SNTA1: variants seen among roughly 807,000 people sequenced by gnomAD.
SNTA1 encodes the protein alpha-1-syntrophin.
SNTA1 carries 31 observed loss-of-function variants against 47.1 expected under a neutral mutation model. The observed-to-expected ratio is 0.66, with a 90% CI of 0.49 to 0.89. SNTA1 has a LOEUF of 0.89. Ranked by LOEUF, SNTA1 falls within the 40% of genes least tolerant of loss-of-function variation. SNTA1 has a pLI of 0.00. For synonymous variants in SNTA1, 300 were observed against 313.6 expected, an observed-to-expected ratio of 0.96 and a Z score of 0.46; for missense variants, 575 against 693.0, an observed-to-expected ratio of 0.83 and a Z score of 1.91.
intron 2 of SNTA1, among the ~76,000 whole-genome samples, chr20:33,418,768 G>A (rs1319329940): frequency 8.0e-6 from 1 of 125,128 alleles, no homozygotes; most frequent in Non-Finnish European, 1.6e-5. Flanking sequence ...ACTCCAGCCT[G>A]GGTGACATAA....
chr20:33,419,780 T>C (rs1311494257), intron 2 of SNTA1, among the ~76,000 whole-genome samples: 1 of 152,114 alleles, frequency 6.6e-6, no homozygotes, highest in African/African-American at 2.4e-5. Context: ...TCCTTTTTGC[T>C]TGTGATTGGT....
chr20:33,411,928 C>T (rs1241815792), intron 5 of SNTA1, among the ~76,000 whole-genome samples: 1 of 152,194 alleles, frequency 6.6e-6, no homozygotes, highest in Admixed American at 6.5e-5. Context: ...TCCTCTACTA[C>T]CCCAACAGAG....
intron 6 of SNTA1, among the ~76,000 whole-genome samples, chr20:33,409,641 ATT>A (rs553264334): frequency 7.1e-6 from 1 of 141,472 alleles, no homozygotes; most frequent in Non-Finnish European, 1.5e-5. Flanking sequence ...TTGTATTATT[ATT>A]TTTTTTTTTT....
At chr20:33,436,695 G>A (rs1048778826) in intron 2 of SNTA1, among the ~76,000 whole-genome samples, 7 of 152,012 alleles carry the variant, frequency 4.6e-5, no homozygotes, top group African/African-American at 1.7e-4. Context: ...AGGTGTGGTG[G>A]CTCACGCCTG....
intron 2 of SNTA1, among the ~76,000 whole-genome samples, chr20:33,436,565 G>C (rs1438140139): frequency 6.6e-6 from 1 of 151,990 alleles, no homozygotes; most frequent in Non-Finnish European, 1.5e-5. Flanking sequence ...ATCTAGACTG[G>C]GCACTGTGGC....
Position 33,410,142 on chromosome 20 carries a change from C to T in SNTA1, c.1230G>A (p.Val410=), listed in dbSNP as rs142580715. The stretch of plus-strand genomic sequence containing the variant: ...CAGATCCTCCCAGCACACCTGTAGA[C>T]ACCTCCTGCACACCCTCGGCGGCCC... ...CHRAAEGVQE[V]STACTWNGRP... is the part of the protein sequence containing the mutation. The change falls in exon 6 of 8, where the codon GTG becomes GTA. Residue 410 remains valine (V), a synonymous_variant. Coordinates refer to ENST00000217381, the MANE Select transcript of SNTA1 (RefSeq NM_003098.3). 2.0e-5 allele frequency: 33 copies of T among 1,614,120 alleles called. No individual in the cohort carries two copies. Among genetic ancestry groups the T allele is most frequent in the Non-Finnish European group, 2.7e-5 (32 of 1,180,046 alleles).
At chr20:33,430,804 C>T (rs564680021) in intron 2 of SNTA1, among the ~76,000 whole-genome samples, 2 of 151,604 alleles carry the variant, frequency 1.3e-5, no homozygotes, top group Admixed American at 6.6e-5. Flanking sequence ...CAAAAATTAG[C>T]CAGGTGTGGT....
chr20:33,433,503 T>A (rs1600859189), intron 2 of SNTA1, among the ~76,000 whole-genome samples: 1 of 150,566 alleles, frequency 6.6e-6, no homozygotes, highest in Non-Finnish European at 1.5e-5. Flanking sequence ...CTGACCTCAG[T>A]TGATCTGCCT....
At position 33,413,349 on chromosome 20, in the gene SNTA1, G is replaced by A. The variant is rs183890936; in HGVS notation, c.702-567C>T. 7.4e-3 allele frequency among the ~76,000 whole-genome samples: 1,126 copies of A among 151,578 alleles called. 9 individuals are homozygous for A. Among genetic ancestry groups the A allele is most frequent in the African/African-American group, 0.026 (1,063 of 41,308 alleles). The stretch of plus-strand genomic sequence containing the variant: ...TCACCAAGTTGGCCAGGCTGGTCTC[G>A]AACTCCTGACCTCAAATGATCACCC... On this transcript the variant is annotated intron_variant, in intron 3 of 7. Transcript: ENST00000217381.
chr20:33,440,877 A>G (rs901668918), intron 1 of SNTA1, among the ~76,000 whole-genome samples: 1 of 152,224 alleles, frequency 6.6e-6, no homozygotes, highest in Non-Finnish European at 1.5e-5. Flanking sequence ...ACCGGAATCA[A>G]GAGACAAGTC....
Position 33,429,586 on chromosome 20 carries a change from T to C in SNTA1, c.496+9255A>G, listed in dbSNP as rs6059319. Among the ~76,000 whole-genome samples, 612 of 151,318 alleles carry C rather than the reference T, an allele frequency of 4.0e-3. 7 individuals are homozygous for C. Among genetic ancestry groups the C allele is most frequent in the African/African-American group, 0.014 (574 of 41,180 alleles). On this transcript the variant is annotated intron_variant, in intron 2 of 7. Transcript: ENST00000217381. ...CAGAGGTTGCAGTGAGCCGAGATCATGCCATTGCACTCCAGCCTGGCCAAC... is the reference window on the plus strand; with the variant it reads ...CAGAGGTTGCAGTGAGCCGAGATCACGCCATTGCACTCCAGCCTGGCCAAC...
chr20:33,410,018 G>C (rs1989699418), intron 6 of SNTA1, 117 bp downstream of exon 6: 1 of 1,027,502 alleles, frequency 9.7e-7, no homozygotes, highest in Non-Finnish European at 1.5e-6. Context: ...CACCCACCTT[G>C]ACCTCCAAAC....
In SNTA1 at chr20:33,443,755, A is replaced by T; in HGVS notation, c.-135T>A. 2.4e-6 allele frequency: 1 copy of T among 416,136 alleles called. No individual in the cohort carries two copies. Among genetic ancestry groups the T allele is most frequent in the Non-Finnish European group, 3.5e-6 (1 of 283,488 alleles). The allele number at this position is 416,136 out of a possible 1,614,324, so 25.8% of individuals were successfully genotyped here. ...GCCACCCTACCCCGGCCGCTGGGGG[A>T]GGAGCTCTGGGGGCGGGGCTACCCT... On this transcript the variant is annotated 5_prime_UTR_variant, in exon 1 of 8. Coordinates refer to ENST00000217381, the MANE Select transcript of SNTA1 (RefSeq NM_003098.3).
rs779370807 is a variant in SNTA1 at position 33,417,752 on chromosome 20, G to A, written c.668C>T (p.Ser223Leu). 32 of 1,614,086 alleles carry A rather than the reference G, an allele frequency of 2.0e-5. No homozygotes were observed. Among genetic ancestry groups the A allele is most frequent in the African/African-American group, 5.3e-5 (4 of 75,026 alleles). The change falls in exon 3 of 8, where the codon TCG becomes TTG. Residue 223 changes from serine to leucine, a missense_variant. Ser to Leu is a moderately radical substitution (Grantham distance 145). Coordinates refer to ENST00000217381, the MANE Select transcript of SNTA1 (RefSeq NM_003098.3). ...CGGGTCATTGGGGGTGCACCTCTTC[G>A]AGACATATGCCATCTTCAAGGACAT... The part of the protein sequence containing the change: ...KHMSLKMAYV[S>L]KRCTPNDPEP...
At chr20:33,437,188 G>A (rs1225592356) in intron 2 of SNTA1, among the ~76,000 whole-genome samples, 4 of 151,432 alleles carry the variant, frequency 2.6e-5, no homozygotes, top group Admixed American at 6.6e-5. Flanking sequence ...GCTTGAACCC[G>A]GGAGACGGAG....
chr20:33,443,697 G>A lies in SNTA1; in HGVS notation c.-77C>T. The A allele has an allele frequency of 1.1e-6, 1 of 946,324 alleles. No homozygotes were observed. The highest frequency in any genetic ancestry group is 1.3e-6 in the Non-Finnish European group (1 of 757,286). The allele number at this position is 946,324 out of a possible 1,614,324, so 58.6% of individuals were successfully genotyped here. ...AGCCCGCTCCGACCAAGCGCCCAGG[G>A]CAGAGGGCAGCGGGGGCCCGGCTGG... On this transcript the variant is annotated 5_prime_UTR_variant, in exon 1 of 8. Coordinates refer to ENST00000217381, the MANE Select transcript of SNTA1 (RefSeq NM_003098.3).
intron 2 of SNTA1, among the ~76,000 whole-genome samples, chr20:33,434,614 G>T (rs1317208650): frequency 6.6e-6 from 1 of 152,060 alleles, no homozygotes; most frequent in East Asian, 1.9e-4. Flanking sequence ...ATCAATTCCA[G>T]CTCCTTTCTG....
chr20:33,411,325 A>C (rs1299330080), intron 5 of SNTA1, among the ~76,000 whole-genome samples: 110 of 123,880 alleles, frequency 8.9e-4, no homozygotes, highest in African/African-American at 1.3e-3. Flanking sequence ...TTCCACCCCC[A>C]CCCCCAGTCC....
At chr20:33,408,667 C>G (rs373204966) in intron 7 of SNTA1, 34 bp downstream of exon 7, 1 of 1,612,632 alleles carries the variant, frequency 6.2e-7, no homozygotes. Flanking sequence ...CACACCCCCT[C>G]CTCCCCAGGG....
Sources: gnomAD v4.1 joint callset for allele counts (sites outside exome capture counted in the v4.1 genomes callset) on GRCh38, gnomAD v4.1.1 for gene constraint, MANE v1.5 for transcripts, NCBI Gene and HGNC (gene_info 2026-07-23, HGNC 2026-07-21) for gene names.